SRGAP1: variants seen among roughly 807,000 people sequenced by gnomAD.
The protein encoded by SRGAP1 is SLIT-ROBO Rho GTPase-activating protein 1.
A neutral mutation model predicts 121.9 loss-of-function variants in SRGAP1; 43 were observed. That is an observed-to-expected ratio of 0.35 (90% CI 0.28 to 0.46). The LOEUF is 0.46. Ranked by LOEUF, SRGAP1 falls within the 20% of genes least tolerant of loss-of-function variation. SRGAP1 has a pLI of 1.00. For missense variants in SRGAP1, 1,102 were observed against 1,350.9 expected (o/e 0.82, Z 2.89); for synonymous variants, 447 against 485.4 (o/e 0.92, Z 1.04).
intron 1 of SRGAP1, among the ~76,000 whole-genome samples, chr12:63,956,163 CCTGA>C (rs2032458811): frequency 6.6e-6 from 1 of 152,088 alleles, no homozygotes; most frequent in Non-Finnish European, 1.5e-5. Flanking sequence ...CACCTCCATG[CCTGA>C]CTAATTTTGT....
At chr12:64,069,551 A>G (rs2035603762) in intron 8 of SRGAP1, among the ~76,000 whole-genome samples, 1 of 152,188 alleles carries the variant, frequency 6.6e-6, no homozygotes, top group Non-Finnish European at 1.5e-5. Context: ...TGTTGTGCAT[A>G]TGGAATTAGA....
chr12:63,948,781 A>G (rs1166505477), intron 1 of SRGAP1, among the ~76,000 whole-genome samples: 1 of 146,486 alleles, frequency 6.8e-6, no homozygotes, highest in Non-Finnish European at 1.5e-5. Context: ...TATATATTCC[A>G]TATATATGTT....
At chr12:64,076,940 G>A (rs947515193) in intron 8 of SRGAP1, among the ~76,000 whole-genome samples, 9 of 152,044 alleles carry the variant, frequency 5.9e-5, no homozygotes, top group South Asian at 2.1e-4. Context: ...ACCACGCCCC[G>A]CTCAGAAAGA....
At chr12:64,020,773 G>C (rs1321940296) in intron 4 of SRGAP1, among the ~76,000 whole-genome samples, 5 of 150,930 alleles carry the variant, frequency 3.3e-5, no homozygotes, top group Admixed American at 1.3e-4. Flanking sequence ...AACCCAAGAG[G>C]TGGGGATTGC....
intron 1 of SRGAP1, among the ~76,000 whole-genome samples, chr12:63,874,445 C>T (rs568259310): frequency 5.9e-5 from 9 of 152,124 alleles, no homozygotes; most frequent in African/African-American, 1.2e-4. Flanking sequence ...CCTCGTGATC[C>T]GCCTGCCTCG....
intron 3 of SRGAP1, among the ~76,000 whole-genome samples, chr12:64,003,939 A>G (rs1451379666): frequency 6.6e-6 from 1 of 152,212 alleles, no homozygotes; most frequent in Non-Finnish European, 1.5e-5. Flanking sequence ...CAAAGAAAAA[A>G]ATATTGAAAG....
rs534999771 is a variant in SRGAP1 at position 63,917,505 on chromosome 12, C to G, written c.68-66442C>G. Among the ~76,000 whole-genome samples the G allele has an allele frequency of 2.0e-5, 3 of 152,080 alleles. No homozygotes were observed. In the East Asian group the frequency reaches 5.8e-4, roughly 29 times the overall value. On this transcript the variant is annotated intron_variant, in intron 1 of 21. Transcript: ENST00000355086. ...AGTCAACAGCACTGCGCAGTTGCTC[C>G]TTTTGAATTTGCTACCATAATTTTT...
intron 4 of SRGAP1, among the ~76,000 whole-genome samples, chr12:64,039,628 CGTGTGTGTGTGT>C (rs6144742): frequency 9.2e-5 from 12 of 130,774 alleles, no homozygotes; most frequent in Non-Finnish European, 1.5e-4. Flanking sequence ...AGCTGAGCAA[CGTGTGTGTGTGT>C]GTGTGTGTGT....
At chr12:63,980,226 A>AT (rs2033210681) in intron 1 of SRGAP1, among the ~76,000 whole-genome samples, 1 of 151,888 alleles carries the variant, frequency 6.6e-6, no homozygotes, top group African/African-American at 2.4e-5. Context: ...CTAATTTCTA[A>AT]TTTTTTGTGT....
At chr12:63,873,967 G>A (rs1261052712) in intron 1 of SRGAP1, among the ~76,000 whole-genome samples, 1 of 151,716 alleles carries the variant, frequency 6.6e-6, no homozygotes, top group East Asian at 2.0e-4. Flanking sequence ...GAGAAGTGGA[G>A]GTTGCAGTGA....
intron 18 of SRGAP1, among the ~76,000 whole-genome samples, chr12:64,122,666 G>A (rs144112027): frequency 6.1e-4 from 93 of 152,232 alleles, no homozygotes; most frequent in African/African-American, 2.1e-3. Context: ...TTGGGAGGCC[G>A]AGGTGGACGG....
chr12:64,004,892 C>T (rs2034031221), intron 3 of SRGAP1, among the ~76,000 whole-genome samples: 1 of 152,130 alleles, frequency 6.6e-6, no homozygotes, highest in Admixed American at 6.5e-5. Context: ...TGTTTCATAC[C>T]ACATGATAGG....
At position 64,080,532 on chromosome 12, in the gene SRGAP1, G is replaced by C. The variant is rs1271481449; in HGVS notation, c.1408+162G>C. The C allele has an allele frequency of 4.1e-6, 3 of 722,988 alleles. No individual in the cohort carries two copies. In the South Asian group the frequency reaches 4.5e-5, roughly 11 times the overall value. The allele number at this position is 722,988 out of a possible 1,614,324, so 44.8% of individuals were successfully genotyped here. On this transcript the variant is annotated intron_variant, in intron 10 of 21. Transcript: ENST00000355086. ...TATATGTCATGATTAAGTTCTCCTGGCACGATTTTCTTCTAAAGCATGGTG... is the reference window on the plus strand; with the variant it reads ...TATATGTCATGATTAAGTTCTCCTGCCACGATTTTCTTCTAAAGCATGGTG...
In SRGAP1 at chr12:64,139,592, G is replaced by GT. The variant is rs961817518; in HGVS notation, c.2881-2696dup. Among the ~76,000 whole-genome samples, 328 of 151,796 alleles carry GT rather than the reference G, an allele frequency of 2.2e-3. 2 individuals are homozygous for GT. The highest frequency in any genetic ancestry group is 7.4e-3 in the African/African-American group (305 of 41,338). On this transcript the variant is annotated intron_variant, in intron 21 of 21. Transcript: ENST00000355086. ...CGCCAACTTTTTGATGGGGTTGTTT[G>GT]TTTTTTTCTTGTAAATTTGTTTGAG...
At chr12:63,991,031 G>T (rs890956186) in intron 3 of SRGAP1, among the ~76,000 whole-genome samples, 2 of 152,196 alleles carry the variant, frequency 1.3e-5, no homozygotes, top group Non-Finnish European at 2.9e-5. Context: ...CCAACTCTCA[G>T]CAATTTTTTT....
At position 64,148,944 on chromosome 12, in the gene SRGAP1, T is replaced by C. The variant is rs1054474812; in HGVS notation, c.*6272T>C. The C allele has an allele frequency of 6.6e-6, 1 of 152,228 alleles. No homozygotes were observed. Among genetic ancestry groups the C allele is most frequent in the Admixed American group, 6.5e-5 (1 of 15,290 alleles). 9.4% of individuals were successfully genotyped at this position (152,228 alleles called of 1,614,324 possible). On this transcript the variant is annotated 3_prime_UTR_variant, in exon 22 of 22. Coordinates refer to ENST00000355086, the MANE Select transcript of SRGAP1 (RefSeq NM_020762.4). ...TTTTGCCTGTCATCTTAGCTTTCTA[T>C]AAATGGGTTCATACAGTATGTAGAT...
At chr12:63,941,521 A>G (rs1173442754) in intron 1 of SRGAP1, among the ~76,000 whole-genome samples, 4 of 152,194 alleles carry the variant, frequency 2.6e-5, no homozygotes, top group Non-Finnish European at 4.4e-5. Flanking sequence ...GGTTTTCTCT[A>G]AAATTGTAAC....
At chr12:63,951,152 C>CTTTTTTTTTTTTTTTTTTTTTTTTTTTT (rs58637983) in intron 1 of SRGAP1, among the ~76,000 whole-genome samples, 3 of 44,142 alleles carry the variant, frequency 6.8e-5, no homozygotes, top group African/African-American at 2.5e-4. Context: ...ATTTAGAACT[C>CTTTTTTTTTTTTTTTTTTTTTTTTTTTT]TTTTTTTTTT....
At chr12:63,873,449 C>G (rs1451085246) in intron 1 of SRGAP1, among the ~76,000 whole-genome samples, 3 of 150,358 alleles carry the variant, frequency 2.0e-5, no homozygotes, top group African/African-American at 7.4e-5. Flanking sequence ...AGGAGAATCG[C>G]TTGAACCCAG....
Sources: allele counts gnomAD v4.1 joint callset (sites outside exome capture counted in the v4.1 genomes callset), GRCh38; gene constraint gnomAD v4.1.1; transcripts MANE v1.5; gene names NCBI Gene and HGNC (gene_info 2026-07-23, HGNC 2026-07-21).